FAM151B: variants seen among roughly 807,000 people sequenced by gnomAD.
FAM151B encodes the protein family with sequence similarity 151 member B.
In FAM151B, 24 loss-of-function variants were observed where a neutral mutation model predicts 31.2. The observed-to-expected ratio is 0.77, with a 90% CI of 0.56 to 1.08. The LOEUF (loss-of-function observed/expected upper bound fraction) is 1.08, where lower values mean the gene tolerates loss of function less well. Ranked by LOEUF, FAM151B falls within the 50% of genes least tolerant of loss-of-function variation. The pLI is 0.00. For missense variants in FAM151B, 293 were observed against 328.6 expected, an observed-to-expected ratio of 0.89 and a Z score of 0.84; for synonymous variants, 105 against 111.4, an observed-to-expected ratio of 0.94 and a Z score of 0.36.
At chr5:80,500,517 A>C in intron 1 of FAM151B, 1 of 759,774 alleles carries the variant, frequency 1.3e-6, no homozygotes, top group South Asian at 1.4e-5. Flanking sequence ...GAATATAGGC[A>C]GATATACAGA....
chr5:80,537,916 A>C (rs1745595952), intron 5 of FAM151B, among the ~76,000 whole-genome samples: 1 of 93,942 alleles, frequency 1.1e-5, no homozygotes, highest in Admixed American at 9.6e-5. Flanking sequence ...AACTTAATAG[A>C]ATAAAGACTT....
At chr5:80,531,755 G>A (rs1745254205) in intron 5 of FAM151B, among the ~76,000 whole-genome samples, 1 of 152,200 alleles carries the variant, frequency 6.6e-6, no homozygotes, top group Non-Finnish European at 1.5e-5. Context: ...TGGAGAGGAT[G>A]TGGAGAAATA....
intron 5 of FAM151B, 102 bp downstream of exon 5, chr5:80,522,240 G>T (rs1004831698): frequency 4.0e-6 from 5 of 1,264,794 alleles, no homozygotes; most frequent in Non-Finnish European, 5.5e-6. Context: ...GTGAGAGAAA[G>T]GTAGACAGAA....
intron 1 of FAM151B, chr5:80,498,819 T>C: frequency 4.4e-6 from 2 of 454,684 alleles, no homozygotes; most frequent in Non-Finnish European, 8.4e-6. Context: ...AATGTTGTAG[T>C]CAGACAGAGT....
intron 5 of FAM151B, among the ~76,000 whole-genome samples, chr5:80,538,763 A>T (rs1561384271): frequency 6.7e-6 from 1 of 150,074 alleles, no homozygotes; most frequent in Non-Finnish European, 1.5e-5. Context: ...TACCCAGCTA[A>T]TTTTTTTTTA....
At chr5:80,511,035 A>T (rs1313635004) in intron 2 of FAM151B, 1 of 152,224 alleles carries the variant, frequency 6.6e-6, no homozygotes, top group African/African-American at 2.4e-5. Flanking sequence ...CCAAAACAGC[A>T]TAGAAACATG....
chr5:80,530,873 T>C (rs902558732), intron 5 of FAM151B, among the ~76,000 whole-genome samples: 12 of 152,122 alleles, frequency 7.9e-5, no homozygotes, highest in Admixed American at 6.6e-5. Flanking sequence ...CTTCACAGAA[T>C]TGGAAAAAAC....
Position 80,519,765 on chromosome 5 carries a change from T to C in FAM151B, c.390T>C (p.Ile130=), listed in dbSNP as rs1173671378. 1 of 1,614,156 alleles carries C rather than the reference T, an allele frequency of 6.2e-7. No individual in the cohort carries two copies. Among genetic ancestry groups the C allele is most frequent in the Non-Finnish European group, 8.5e-7 (1 of 1,180,028 alleles). ...VKRHLKRPVW[I]NADILPGPNG... The stretch of plus-strand genomic sequence containing the variant: ...GGCATCTGAAGCGTCCTGTATGGAT[T>C]AATGCCGATATTCTTCCTGGTCCAA... Residue 130 remains isoleucine, a synonymous_variant, in exon 4 of 6, where the codon ATT becomes ATC. Coordinates refer to ENST00000282226, the MANE Select transcript of FAM151B (RefSeq NM_205548.3).
At chr5:80,506,591 C>A (rs1186357142) in intron 2 of FAM151B, among the ~76,000 whole-genome samples, 1 of 152,164 alleles carries the variant, frequency 6.6e-6, no homozygotes, top group Non-Finnish European at 1.5e-5. Context: ...TCCACACTTG[C>A]CCCTGTCTAT....
rs1302139891 is a variant in FAM151B at position 80,541,813 on chromosome 5, G to A, written c.812G>A (p.Gly271Glu). 1 of 1,611,898 alleles carries A rather than the reference G, an allele frequency of 6.2e-7. No individual in the cohort carries two copies. The change falls in exon 6 of 6, where the codon GGA becomes GAA. Residue 271 changes from glycine (G) to glutamate (E), a missense_variant. Physicochemically the swap from Gly to Glu is moderately conservative, Grantham distance 98. Transcript: ENST00000282226. ...PQNHEFKQAI[G>E]IKVNL ...AACCATGAATTTAAACAAGCCATTG[G>A]AATCAAAGTTAATCTCTAAGAAGAA...
intron 3 of FAM151B, 46 bp downstream of exon 3, chr5:80,513,815 T>A: frequency 6.5e-7 from 1 of 1,528,724 alleles, no homozygotes; most frequent in Non-Finnish European, 8.8e-7. Context: ...AAGTAATAGC[T>A]GTGCCTGACT....
chr5:80,488,176 TG>T, intron 1 of FAM151B, 28 bp downstream of exon 1: 1 of 1,535,634 alleles, frequency 6.5e-7, no homozygotes, highest in African/African-American at 1.4e-5. Flanking sequence ...GGCCTCTGCC[TG>T]GAGGTGGGGC....
At chr5:80,511,697 C>A (rs2112623888) in intron 2 of FAM151B, among the ~76,000 whole-genome samples, 1 of 152,210 alleles carries the variant, frequency 6.6e-6, no homozygotes, top group Admixed American at 6.5e-5. Flanking sequence ...ACTTCCGCCT[C>A]CTGGGTTCAA....
intron 5 of FAM151B, among the ~76,000 whole-genome samples, chr5:80,527,561 C>T (rs562013692): frequency 5.9e-5 from 9 of 152,064 alleles, no homozygotes; most frequent in African/African-American, 9.7e-5. Context: ...ACTTGTACAC[C>T]GTATTATCAT....
At chr5:80,519,336 T>C (rs762299155) in intron 3 of FAM151B, among the ~76,000 whole-genome samples, 3 of 152,210 alleles carry the variant, frequency 2.0e-5, no homozygotes, top group Non-Finnish European at 4.4e-5. Flanking sequence ...ATTTCATTTA[T>C]CTTATTTATA....
At chr5:80,515,126 G>T (rs1033366359) in intron 3 of FAM151B, among the ~76,000 whole-genome samples, 2 of 152,036 alleles carry the variant, frequency 1.3e-5, no homozygotes, top group Non-Finnish European at 2.9e-5. Flanking sequence ...CTGTAATTCA[G>T]CTACTCGGGA....
intron 1 of FAM151B, among the ~76,000 whole-genome samples, chr5:80,489,998 TTA>T (rs1372550569): frequency 6.9e-6 from 1 of 145,536 alleles, no homozygotes; most frequent in African/African-American, 2.6e-5. Flanking sequence ...GATTCTTCCG[TTA>T]TATGTCATTT....
In FAM151B at chr5:80,522,085, A is replaced by G. The variant is rs375658693; in HGVS notation, c.618A>G (p.Ala206=). The change falls in exon 5 of 6, where the codon GCA becomes GCG. Residue 206 remains alanine, a synonymous_variant. Transcript: ENST00000282226. ...SQPVTFPVRA[A]LVRQSCSQLL... is the part of the protein sequence containing the mutation. Reference sequence around the variant, plus strand: ...CTGTAACGTTCCCTGTCAGAGCAGCATTAGTCAGGCAGTCTTGTTCTCAGT... The same window carrying G: ...CTGTAACGTTCCCTGTCAGAGCAGCGTTAGTCAGGCAGTCTTGTTCTCAGT... The G allele has an allele frequency of 6.2e-7, 1 of 1,613,426 alleles. No individual in the cohort carries two copies. The highest frequency in any genetic ancestry group is 8.5e-7 in the Non-Finnish European group (1 of 1,179,478).
chr5:80,489,360 G>T (rs1367507828), intron 1 of FAM151B, among the ~76,000 whole-genome samples: 1 of 152,022 alleles, frequency 6.6e-6, no homozygotes, highest in Non-Finnish European at 1.5e-5. Context: ...TAAGATCTGT[G>T]CTAAACCTCC....
Sources: allele counts gnomAD v4.1 joint callset (sites outside exome capture counted in the v4.1 genomes callset), GRCh38; gene constraint gnomAD v4.1.1; transcripts MANE v1.5; gene names NCBI Gene and HGNC (gene_info 2026-07-23, HGNC 2026-07-21).